The following FBRSL1 variants were observed in gnomAD, a reference collection of about 807,000 sequenced individuals.
FBRSL1 encodes the protein fibrosin like 1.
FBRSL1 carries 51 observed loss-of-function variants against 89.6 expected under a neutral mutation model. The observed-to-expected ratio is 0.57, with a 90% CI of 0.45 to 0.72. The LOEUF (loss-of-function observed/expected upper bound fraction) is 0.72, where lower values mean the gene tolerates loss of function less well. FBRSL1 is among the 30% of genes least tolerant of loss of function. The probability of loss-of-function intolerance (pLI) is 0.00; values close to 1 mark genes in which losing one functional copy is unlikely to be tolerated. For missense variants in FBRSL1, 1,618 were observed against 1,451.8 expected, an observed-to-expected ratio of 1.11 and a Z score of -1.86; for synonymous variants, 779 against 681.1, an observed-to-expected ratio of 1.14 and a Z score of -2.24.
intron 5 of FBRSL1, among the ~76,000 whole-genome samples, chr12:132,562,132 T>C (rs1268877852): frequency 6.6e-6 from 1 of 152,132 alleles, no homozygotes; most frequent in Non-Finnish European, 1.5e-5. Flanking sequence ...CTGCGTAGCC[T>C]GGGTCACCGG....
At chr12:132,574,268 A>G in intron 12 of FBRSL1, 51 bp from the exon 13 acceptor site, 7 of 1,480,130 alleles carry the variant, frequency 4.7e-6, no homozygotes, top group Non-Finnish European at 6.3e-6. Context: ...CACCCCCAGG[A>G]CTCAGCCTCC....
chr12:132,581,491 C>T lies in FBRSL1; in HGVS notation c.1887C>T (p.Ser629=). The change falls in exon 16 of 19, where the codon AGC becomes AGT. Residue 629 remains serine (S), a synonymous_variant. Coordinates refer to ENST00000680143, the MANE Select transcript of FBRSL1 (RefSeq NM_001367871.1). ...TTGGACCCTCAGCCCATCCTGGCAG[C>T]TTCCTGCCCACTGGCCCCCTGACAG... is the stretch of plus-strand genomic sequence containing the variant. ...NPFGPSAHPG[S]FLPTGPLTDP... is the part of the protein sequence containing the mutation. The T allele has an allele frequency of 6.4e-7, 1 of 1,551,140 alleles. No individual in the cohort carries two copies. Among genetic ancestry groups the T allele is most frequent in the Non-Finnish European group, 8.7e-7 (1 of 1,146,934 alleles).
intron 2 of FBRSL1, chr12:132,509,719 G>A (rs953000399): frequency 1.1e-5 from 13 of 1,231,296 alleles, no homozygotes; most frequent in Admixed American, 8.4e-5. Flanking sequence ...CACCGCTGCC[G>A]ACCCCTGCGG....
chr12:132,569,266 G>C (rs1306753623), intron 6 of FBRSL1, among the ~76,000 whole-genome samples: 2 of 152,136 alleles, frequency 1.3e-5, no homozygotes, highest in Non-Finnish European at 2.9e-5. Flanking sequence ...ACCTGCGGGG[G>C]ACGTGCCTAG....
At chr12:132,506,616 CT>C (rs1159551616) in intron 1 of FBRSL1, among the ~76,000 whole-genome samples, 1 of 152,274 alleles carries the variant, frequency 6.6e-6, no homozygotes, top group Non-Finnish European at 1.5e-5. Flanking sequence ...GTTCTCTGGG[CT>C]GCAGCCTTTG....
At chr12:132,534,748 T>C (rs765323162) in intron 4 of FBRSL1, among the ~76,000 whole-genome samples, 1 of 152,194 alleles carries the variant, frequency 6.6e-6, no homozygotes, top group African/African-American at 2.4e-5. Flanking sequence ...CCTTGGTGGC[T>C]CAAGGCCCAG....
rs551934591 is a variant in FBRSL1, at chr12:132,551,176, G to A, written c.645+3144G>A. On this transcript the variant is annotated intron_variant, in intron 5 of 18. Transcript: ENST00000680143. ...TGAGACAGGAACATGGGGGTGCTTCGCATCAGCAGTGCCCAGAGCCCCTCA... is the reference window on the plus strand; with the variant it reads ...TGAGACAGGAACATGGGGGTGCTTCACATCAGCAGTGCCCAGAGCCCCTCA... 23 of 347,654 alleles carry A rather than the reference G, an allele frequency of 6.6e-5. No homozygotes were observed. The Admixed American group carries it at 6.8e-4, about 10-fold the overall frequency. 21.5% of individuals were successfully genotyped at this position (347,654 alleles called of 1,614,324 possible).
At chr12:132,533,764 C>T (rs1400146943) in intron 4 of FBRSL1, among the ~76,000 whole-genome samples, 1 of 152,256 alleles carries the variant, frequency 6.6e-6, no homozygotes, top group African/African-American at 2.4e-5. Flanking sequence ...ATGCCAGGCA[C>T]TGGGTTGTGA....
At chr12:132,580,542 G>A (rs999914429) in intron 15 of FBRSL1, among the ~76,000 whole-genome samples, 1 of 152,232 alleles carries the variant, frequency 6.6e-6, no homozygotes, top group Non-Finnish European at 1.5e-5. Flanking sequence ...ATTTGAGGCA[G>A]TGTACTCTCC....
intron 1 of FBRSL1, among the ~76,000 whole-genome samples, chr12:132,494,385 A>G (rs2031635203): frequency 6.6e-6 from 1 of 152,194 alleles, no homozygotes; most frequent in Non-Finnish European, 1.5e-5. Flanking sequence ...CCATCTTCCC[A>G]CATAGCAAAG....
chr12:132,532,842 A>G (rs987635623), intron 4 of FBRSL1, among the ~76,000 whole-genome samples: 19 of 152,176 alleles, frequency 1.2e-4, no homozygotes, highest in Non-Finnish European at 2.5e-4. Context: ...TGCCTGGGAC[A>G]GGGAGGCTGG....
chr12:132,553,945 T>C (rs2038406062), intron 5 of FBRSL1: 2 of 152,284 alleles, frequency 1.3e-5, no homozygotes, highest in Admixed American at 1.3e-4. Flanking sequence ...CACTTGGCTG[T>C]ACCTGGGCAG....
Position 132,583,487 on chromosome 12 carries a change from G to A in FBRSL1, c.2718G>A (p.Arg906=). ...ERLRGELERA[R]APHLPPAAPA... is the part of the protein sequence containing the mutation. ...TGCGCGGGGAGCTGGAGCGCGCGCG[G>A]GCCCCGCACCTGCCGCCCGCCGCCC... Residue 906 remains arginine, a synonymous_variant, in exon 19 of 19, where the codon CGG becomes CGA. Coordinates refer to ENST00000680143, the MANE Select transcript of FBRSL1 (RefSeq NM_001367871.1). 9.5e-7 allele frequency: 1 copy of A among 1,048,812 alleles called. No individual in the cohort carries two copies. Among genetic ancestry groups the A allele is most frequent in the Non-Finnish European group, 1.1e-6 (1 of 870,180 alleles). The allele number at this position is 1,048,812 out of a possible 1,614,324, so 65.0% of individuals were successfully genotyped here.
intron 15 of FBRSL1, among the ~76,000 whole-genome samples, chr12:132,578,341 T>TCCA (rs547551851): frequency 3.5e-5 from 1 of 28,648 alleles, no homozygotes; most frequent in Non-Finnish European, 7.9e-5. Context: ...CAAGACCCTG[T>TCCA]CTCACACACA....
At chr12:132,561,695 C>T (rs1285078715) in intron 5 of FBRSL1, among the ~76,000 whole-genome samples, 2 of 152,166 alleles carry the variant, frequency 1.3e-5, no homozygotes, top group African/African-American at 4.8e-5. Context: ...GCGAAGAGGC[C>T]ACTCAAACCC....
At chr12:132,494,906 C>G (rs1336472697) in intron 1 of FBRSL1, among the ~76,000 whole-genome samples, 1 of 152,226 alleles carries the variant, frequency 6.6e-6, no homozygotes, top group African/African-American at 2.4e-5. Context: ...ACAGGACATG[C>G]ACCCAAAATG....
chr12:132,501,407 A>G (rs997903925), intron 1 of FBRSL1, among the ~76,000 whole-genome samples: 4 of 152,122 alleles, frequency 2.6e-5, no homozygotes, highest in Non-Finnish European at 4.4e-5. Flanking sequence ...TGTGTGTCCC[A>G]GGCTGCTGCG....
chr12:132,536,644 C>A (rs1304762990), intron 4 of FBRSL1, among the ~76,000 whole-genome samples: 2 of 150,424 alleles, frequency 1.3e-5, no homozygotes, highest in Non-Finnish European at 3.0e-5. Context: ...GGTGTGAGTG[C>A]ACGTGTACAT....
chr12:132,574,558 G>T lies in FBRSL1; in HGVS notation c.1695G>T (p.Lys565Asn), dbSNP rs747611006. The T allele has an allele frequency of 3.9e-6, 6 of 1,549,762 alleles. No homozygotes were observed. The highest frequency in any genetic ancestry group is 5.2e-6 in the Non-Finnish European group (6 of 1,146,780). ...IAWQIYRHQQ[K>N]IKEMQLDPHK... ...GGCAGATCTACCGTCACCAGCAGAA[G>T]ATAAAGGTGAGACCACCTGGGCTGG... The change falls in exon 14 of 19, where the codon AAG becomes AAT. Residue 565 changes from lysine to asparagine, a missense_variant. Physicochemically the swap from Lys to Asn is moderately conservative, Grantham distance 94. Transcript: ENST00000680143.
Sources: gnomAD v4.1 joint callset for allele counts (sites outside exome capture counted in the v4.1 genomes callset) on GRCh38, gnomAD v4.1.1 for gene constraint, MANE v1.5 for transcripts, NCBI Gene and HGNC (gene_info 2026-07-23, HGNC 2026-07-21) for gene names.